Variants in ATP10A observed in about 807,000 individuals in gnomAD.
ATP10A encodes ATPase phospholipid transporting 10A (putative).
ATP10A carries 111 observed loss-of-function variants against 147.8 expected under a neutral mutation model. The observed-to-expected ratio is 0.75, with a 90% CI of 0.64 to 0.88. ATP10A has a LOEUF of 0.88. Among genes scored for constraint, ATP10A ranks in the 40% least tolerant of loss-of-function variants. The probability of loss-of-function intolerance (pLI) is 0.00; values close to 1 mark genes in which losing one functional copy is unlikely to be tolerated. For synonymous variants in ATP10A, 875 were observed against 841.6 expected (o/e 1.04, Z -0.69); for missense variants, 1,927 against 1,959.0 (o/e 0.98, Z 0.31).
At chr15:25,813,894 T>C (rs1221949287) in intron 1 of ATP10A, among the ~76,000 whole-genome samples, 1 of 152,084 alleles carries the variant, frequency 6.6e-6, no homozygotes, top group Non-Finnish European at 1.5e-5. Context: ...ATCAGTAATC[T>C]ATGGGACAAC....
chr15:25,694,805 G>T lies in ATP10A; in HGVS notation c.3088+14C>A, dbSNP rs76784263. The T allele has an allele frequency of 6.4e-3, 10,282 of 1,594,670 alleles. 49 individuals carry two copies. The highest frequency in any genetic ancestry group is 6.9e-3 in the Non-Finnish European group (8,065 of 1,167,892). On this transcript the variant is annotated intron_variant, in intron 14 of 20. Coordinates refer to ENST00000555815, the MANE Select transcript of ATP10A (RefSeq NM_024490.4). Reference sequence around the variant, plus strand: ...CAGCTGGGAGGAGGCCGTCTGGCCAGCTGGGATACTTGCCTATGGCCAGGG... The same window carrying T: ...CAGCTGGGAGGAGGCCGTCTGGCCATCTGGGATACTTGCCTATGGCCAGGG...
chr15:25,691,801 G>A lies in ATP10A; in HGVS notation c.3089-10C>T. The A allele has an allele frequency of 1.2e-6, 2 of 1,614,078 alleles. No homozygotes were observed. Among genetic ancestry groups the A allele is most frequent in the African/African-American group, 1.3e-5 (1 of 75,034 alleles). ...TCATTGGCTCCATCACCTAGAAACA[G>A]CACAGGCAAGAAGAATTGTTTGATT... On this transcript the variant is annotated splice_polypyrimidine_tract_variant and intron_variant, in intron 14 of 20. Transcript: ENST00000555815.
chr15:25,714,490 A>G (rs1210537667), intron 9 of ATP10A, among the ~76,000 whole-genome samples: 1 of 152,036 alleles, frequency 6.6e-6, no homozygotes, highest in Non-Finnish European at 1.5e-5. Flanking sequence ...TAATAATAAT[A>G]AAAAAAGAAA....
intron 7 of ATP10A, among the ~76,000 whole-genome samples, 176 bp from the exon 8 acceptor site, chr15:25,718,575 G>A (rs1901996391): frequency 6.6e-6 from 1 of 152,152 alleles, no homozygotes; most frequent in South Asian, 2.1e-4. Flanking sequence ...GCTGCAACCT[G>A]GGGAGGTTGA....
chr15:25,688,798 C>G (rs1338467547), intron 15 of ATP10A, among the ~76,000 whole-genome samples: 1 of 152,160 alleles, frequency 6.6e-6, no homozygotes, highest in South Asian at 2.1e-4. Context: ...TTTTCTGAAC[C>G]AAAAGTTAAG....
At position 25,862,222 on chromosome 15, in the gene ATP10A, T is replaced by C. The variant is rs188405009; in HGVS notation, c.449+426A>G. The stretch of plus-strand genomic sequence containing the variant: ...GCCGAGCTGTTAGCAGACTGAGCTT[T>C]ACTGTCCTGTGCCGGCTGTTCAGAG... On this transcript the variant is annotated intron_variant, in intron 1 of 20. Coordinates refer to ENST00000555815, the MANE Select transcript of ATP10A (RefSeq NM_024490.4). 2,746 of 464,978 alleles carry C rather than the reference T, an allele frequency of 5.9e-3. 12 individuals carry two copies. Among genetic ancestry groups the C allele is most frequent in the Non-Finnish European group, 9.5e-3 (2,224 of 233,094 alleles). 28.8% of individuals were successfully genotyped at this position (464,978 alleles called of 1,614,324 possible).
chr15:25,740,638 T>TA, intron 2 of ATP10A, among the ~76,000 whole-genome samples: 1 of 152,366 alleles, frequency 6.6e-6, no homozygotes. Flanking sequence ...CCTGGTTCAC[T>TA]TCCAGCCTTG....
chr15:25,820,800 A>G (rs1891846873), intron 1 of ATP10A, among the ~76,000 whole-genome samples: 1 of 152,200 alleles, frequency 6.6e-6, no homozygotes, highest in Non-Finnish European at 1.5e-5. Flanking sequence ...AGATAAATTA[A>G]AACATAAAAC....
At chr15:25,747,057 C>A (rs565278149) in intron 2 of ATP10A, among the ~76,000 whole-genome samples, 1 of 152,076 alleles carries the variant, frequency 6.6e-6, no homozygotes, top group Non-Finnish European at 1.5e-5. Flanking sequence ...GAGGCCAAGG[C>A]GGGTGGATCA....
chr15:25,772,396 T>C (rs17637182), intron 2 of ATP10A, among the ~76,000 whole-genome samples: 116,932 of 152,080 alleles, frequency 0.77, 45,029 homozygotes, highest in South Asian at 0.8. Flanking sequence ...CACTTTTAGC[T>C]TTAAAACAAC....
Position 25,862,831 on chromosome 15 carries a change from A to ACGTTGGC in ATP10A, c.259_265dup (p.Val89GlyfsTer102), listed in dbSNP as rs747174021. The ACGTTGGC allele has an allele frequency of 6.2e-7, 1 of 1,609,864 alleles. No individual in the cohort carries two copies. Among genetic ancestry groups the ACGTTGGC allele is most frequent in the Admixed American group, 1.7e-5 (1 of 59,558 alleles). ...GAGCAGCGCGATGAAGACAAAGTAC[A>ACGTTGGC]CGTTGGCCGGGCGGTGGAACTGCTC... On this transcript the variant is annotated frameshift_variant, in exon 1 of 21. Transcript: ENST00000555815. LOFTEE classifies it high-confidence loss of function.
At chr15:25,697,936 A>C (rs188744795) in intron 13 of ATP10A, among the ~76,000 whole-genome samples, 39 of 152,302 alleles carry the variant, frequency 2.6e-4, no homozygotes, top group Admixed American at 2.5e-3. Flanking sequence ...ACATCAGACA[A>C]ATCCCAATAT....
intron 8 of ATP10A, 37 bp downstream of exon 8, chr15:25,718,145 C>G (rs371968885): frequency 1.3e-6 from 2 of 1,590,016 alleles, no homozygotes; most frequent in East Asian, 2.3e-5. Flanking sequence ...GGGGAAGAGA[C>G]GTGGCAGCAC....
intron 12 of ATP10A, among the ~76,000 whole-genome samples, chr15:25,702,737 C>T (rs1207619506): frequency 6.6e-6 from 1 of 150,846 alleles, no homozygotes; most frequent in Non-Finnish European, 1.5e-5. Context: ...CGGAAATGTG[C>T]TTAGGCCTGC....
At chr15:25,681,857 TC>T (rs1021798748) in intron 17 of ATP10A, among the ~76,000 whole-genome samples, 15 of 152,042 alleles carry the variant, frequency 9.9e-5, no homozygotes, top group African/African-American at 3.6e-4. Flanking sequence ...ATCGAGACCA[TC>T]CTGGTTAACA....
intron 3 of ATP10A, among the ~76,000 whole-genome samples, chr15:25,729,643 G>A (rs1902828496): frequency 6.6e-6 from 1 of 152,104 alleles, no homozygotes; most frequent in South Asian, 2.1e-4. Context: ...CAGAAGGGGT[G>A]GCTTCTGTGG....
rs1215480655 is a variant in ATP10A, at chr15:25,862,743, G to A, written c.354C>T (p.Ile118=). 2 of 1,612,460 alleles carry A rather than the reference G, an allele frequency of 1.2e-6. No individual in the cohort carries two copies. Among genetic ancestry groups the A allele is most frequent in the South Asian group, 1.1e-5 (1 of 90,782 alleles). ...PGLALAPVLF[I]LAITAFRDLW... ...GGTCCCTGAAGGCCGTGATGGCCAG[G>A]ATGAAGAGCACCGGCGCCAGTGCCA... The change falls in exon 1 of 21, where the codon ATC becomes ATT. Residue 118 remains isoleucine (I), a synonymous_variant. Coordinates refer to ENST00000555815, the MANE Select transcript of ATP10A (RefSeq NM_024490.4).
Position 25,679,736 on chromosome 15 carries a change from C to T in ATP10A, c.4105G>A (p.Glu1369Lys), listed in dbSNP as rs1899277224. ...QPVCSLEASG[E>K]PSTVDMSMPV... Reference sequence around the variant, plus strand: ...ATGCTCATGTCCACTGTGCTGGGCTCCCCGCTGGCCTCCAGGGAGCAGACC... The same window carrying T: ...ATGCTCATGTCCACTGTGCTGGGCTTCCCGCTGGCCTCCAGGGAGCAGACC... The change falls in exon 21 of 21, where the codon GAG (glutamate) becomes AAG (lysine). Residue 1369 changes from glutamate to lysine, a missense_variant. Physicochemically the swap from Glu to Lys is moderately conservative, Grantham distance 56. Coordinates refer to ENST00000555815, the MANE Select transcript of ATP10A (RefSeq NM_024490.4). 6.2e-7 allele frequency: 1 copy of T among 1,613,376 alleles called. No homozygotes were observed. Among genetic ancestry groups the T allele is most frequent in the Non-Finnish European group, 8.5e-7 (1 of 1,180,010 alleles).
Position 25,683,418 on chromosome 15 carries a change from C to T in ATP10A, c.3360G>A (p.Gln1120=), listed in dbSNP as rs1371402182. 5 of 1,614,106 alleles carry T rather than the reference C, an allele frequency of 3.1e-6. 1 individual carries two copies. The highest frequency in any genetic ancestry group is 1.6e-4 in the Middle Eastern group (1 of 6,062). Residue 1120 remains glutamine (Q), a synonymous_variant, in exon 17 of 21, where the codon CAG becomes CAA. Transcript: ENST00000555815. The part of the protein sequence containing the change: ...CGFSASTMID[Q]WYLIFFNLLF... ...GCAGATTAAAGAAGATTAGATACCA[C>T]TGGTCAATCATGGTAGATGCAGAGA...
Sources: allele counts gnomAD v4.1 joint callset (sites outside exome capture counted in the v4.1 genomes callset), GRCh38; gene constraint gnomAD v4.1.1; transcripts MANE v1.5; gene names NCBI Gene and HGNC (gene_info 2026-07-23, HGNC 2026-07-21).